Variants in PARD3 observed in about 807,000 individuals in gnomAD.
PARD3 encodes the protein partitioning defective 3 homolog.
In PARD3, 75 loss-of-function variants were observed where a neutral mutation model predicts 155.4. The ratio of observed to expected loss-of-function variants is 0.48; its 90% CI spans 0.40 to 0.58. The LOEUF (loss-of-function observed/expected upper bound fraction) is 0.58, where lower values mean the gene tolerates loss of function less well. PARD3 is among the 20% of genes least tolerant of loss of function. The pLI is 0.00. For missense variants in PARD3, 1,642 were observed against 1,721.7 expected, an observed-to-expected ratio of 0.95 and a Z score of 0.82; for synonymous variants, 576 against 610.5, an observed-to-expected ratio of 0.94 and a Z score of 0.83.
chr10:34,660,450 G>A (rs756697284), intron 2 of PARD3, among the ~76,000 whole-genome samples: 2 of 152,054 alleles, frequency 1.3e-5, no homozygotes, highest in African/African-American at 2.4e-5. Context: ...TAACACAGGG[G>A]TATTTTCAAA....
intron 22 of PARD3, among the ~76,000 whole-genome samples, chr10:34,223,526 C>T (rs1033519715): frequency 1.3e-4 from 20 of 152,120 alleles, no homozygotes; most frequent in African/African-American, 4.3e-4. Flanking sequence ...TAGCTCTTTA[C>T]GTGGGGGAAG....
At chr10:34,320,833 G>A (rs1958326881) in intron 19 of PARD3, among the ~76,000 whole-genome samples, 1 of 152,118 alleles carries the variant, frequency 6.6e-6, no homozygotes, top group Admixed American at 6.5e-5. Context: ...TGCTTGTTCT[G>A]AACATTCTAA....
chr10:34,221,471 G>A (rs1325819129), intron 22 of PARD3, among the ~76,000 whole-genome samples: 2 of 150,698 alleles, frequency 1.3e-5, no homozygotes, highest in Non-Finnish European at 2.9e-5. Context: ...TATAGGTGGT[G>A]GAATGGCTAA....
At chr10:34,442,105 T>C (rs1300936312) in intron 5 of PARD3, among the ~76,000 whole-genome samples, 1 of 152,230 alleles carries the variant, frequency 6.6e-6, no homozygotes, top group Non-Finnish European at 1.5e-5. Flanking sequence ...TGGTAAATAA[T>C]AATAAATCCC....
At chr10:34,807,454 A>AC (rs1216128932) in intron 1 of PARD3, among the ~76,000 whole-genome samples, 1 of 152,164 alleles carries the variant, frequency 6.6e-6, no homozygotes, top group African/African-American at 2.4e-5. Flanking sequence ...TGCAACCATC[A>AC]CCATGATCTT....
At chr10:34,240,769 C>A (rs2133650295) in intron 22 of PARD3, among the ~76,000 whole-genome samples, 1 of 152,204 alleles carries the variant, frequency 6.6e-6, no homozygotes, top group Non-Finnish European at 1.5e-5. Flanking sequence ...GTCTCCAGAG[C>A]AAGATTTTCT....
intron 2 of PARD3, among the ~76,000 whole-genome samples, chr10:34,550,568 C>T (rs2084467496): frequency 6.6e-6 from 1 of 152,070 alleles, no homozygotes; most frequent in Non-Finnish European, 1.5e-5. Context: ...AAACACCTTC[C>T]TTTTGAAAAA....
intron 22 of PARD3, among the ~76,000 whole-genome samples, chr10:34,231,266 C>CAAAAAAAAAAAAAAA (rs57175956): frequency 1.2e-5 from 1 of 81,840 alleles, no homozygotes. Context: ...TAATCTTAGG[C>CAAAAAAAAAAAAAAA]AAAAAAAAAA....
intron 2 of PARD3, among the ~76,000 whole-genome samples, chr10:34,622,195 A>G (rs373509471): frequency 2.6e-5 from 4 of 152,256 alleles, no homozygotes; most frequent in East Asian, 3.8e-4. Flanking sequence ...AGATAATTAT[A>G]AAACTCAATT....
At chr10:34,323,199 A>G (rs1958481732) in intron 19 of PARD3, among the ~76,000 whole-genome samples, 1 of 152,202 alleles carries the variant, frequency 6.6e-6, no homozygotes, top group South Asian at 2.1e-4. Flanking sequence ...GAAGAGAAAG[A>G]AAGATGTAGG....
At chr10:34,555,333 G>A (rs936164721) in intron 2 of PARD3, among the ~76,000 whole-genome samples, 2 of 152,014 alleles carry the variant, frequency 1.3e-5, no homozygotes, top group Non-Finnish European at 2.9e-5. Flanking sequence ...TTAAACACAT[G>A]AACTACGATC....
chr10:34,606,804 T>TA (rs1303592606), intron 2 of PARD3, among the ~76,000 whole-genome samples: 1 of 151,220 alleles, frequency 6.6e-6, no homozygotes, highest in Non-Finnish European at 1.5e-5. Flanking sequence ...CCATCTCTAC[T>TA]AAAAATACAA....
intron 1 of PARD3, among the ~76,000 whole-genome samples, chr10:34,711,635 C>CT (rs1229676964): frequency 1.5e-4 from 23 of 152,126 alleles, no homozygotes; most frequent in Non-Finnish European, 2.4e-4. Flanking sequence ...CCATCTTCAG[C>CT]TTTTTTTAGC....
chr10:34,545,614 G>A (rs1183046919), intron 2 of PARD3, among the ~76,000 whole-genome samples: 1 of 152,146 alleles, frequency 6.6e-6, no homozygotes, highest in Non-Finnish European at 1.5e-5. Context: ...GAGTGCAATG[G>A]CACAATCTCG....
At chr10:34,371,486 C>CAAAAAAAA (rs968034029) in intron 12 of PARD3, among the ~76,000 whole-genome samples, 9 of 22,752 alleles carry the variant, frequency 4.0e-4, no homozygotes, top group Non-Finnish European at 7.7e-4. Context: ...ATTCTAGACT[C>CAAAAAAAA]AAAAAAAAAA....
At chr10:34,595,764 A>G (rs1388956063) in intron 2 of PARD3, among the ~76,000 whole-genome samples, 1 of 152,220 alleles carries the variant, frequency 6.6e-6, no homozygotes, top group Non-Finnish European at 1.5e-5. Flanking sequence ...AGGTTAAAAA[A>G]AAACACTCTG....
At chr10:34,368,760 G>A (rs1840250049) in intron 12 of PARD3, among the ~76,000 whole-genome samples, 1 of 148,640 alleles carries the variant, frequency 6.7e-6, no homozygotes, top group Admixed American at 6.8e-5. Context: ...GGACAGAAGT[G>A]TCCATGCAGT....
At chr10:34,230,501 T>C (rs1050682525) in intron 22 of PARD3, among the ~76,000 whole-genome samples, 8 of 152,134 alleles carry the variant, frequency 5.3e-5, no homozygotes, top group Admixed American at 5.2e-4. Context: ...AAGTTTTCCA[T>C]ACCTAGCGAC....
At chr10:34,790,029 G>A (rs1315022551) in intron 1 of PARD3, among the ~76,000 whole-genome samples, 1 of 152,176 alleles carries the variant, frequency 6.6e-6, no homozygotes, top group Non-Finnish European at 1.5e-5. Context: ...GGAGCAGACC[G>A]TTTGAATCAT....
Sources: allele counts gnomAD v4.1 joint callset (sites outside exome capture counted in the v4.1 genomes callset), GRCh38; gene constraint gnomAD v4.1.1; transcripts MANE v1.5; gene names NCBI Gene and HGNC (gene_info 2026-07-23, HGNC 2026-07-21).